CBX5: variants seen among roughly 807,000 people sequenced by gnomAD.
The protein encoded by CBX5 is chromobox protein homolog 5.
A neutral mutation model predicts 20.7 loss-of-function variants in CBX5; 7 were observed. The observed-to-expected ratio is 0.34, with a 90% CI of 0.19 to 0.63. CBX5 has a LOEUF of 0.63. Among genes scored for constraint, CBX5 ranks in the 30% least tolerant of loss-of-function variants. The pLI is 0.75. For missense variants in CBX5, 110 were observed against 224.1 expected (o/e 0.49, Z 3.25); for synonymous variants, 78 against 77.0 (o/e 1.01, Z -0.07).
Position 54,253,001 on chromosome 12 carries a change from A to G in CBX5, c.138-774T>C, listed in dbSNP as rs1258979715. ...TCTCAAAAAAAAAAAAAAAAAAAAA[A>G]GCAGATCAGTGAATGCCTGGGGCTG... On this transcript the variant is annotated intron_variant, in intron 2 of 4. Coordinates refer to ENST00000209875, the MANE Select transcript of CBX5 (RefSeq NM_012117.3). Among the ~76,000 whole-genome samples, 4 of 151,232 alleles carry G rather than the reference A, an allele frequency of 2.6e-5. No individual in the cohort carries two copies. The East Asian group carries it at 7.7e-4, about 29-fold the overall frequency.
In CBX5 at chr12:54,264,847, G is replaced by GA. The variant is rs375937146; in HGVS notation, c.-42-7156dup. On this transcript the variant is annotated intron_variant, in intron 1 of 4. Transcript: ENST00000209875. ...GACAAGAGTGAAACTCCATCTCAAA[G>GA]AAAAAAAAAAAGAAAAAGAAAGCCA... Among the ~76,000 whole-genome samples, 350 of 138,806 alleles carry GA rather than the reference G, an allele frequency of 2.5e-3. 4 individuals are homozygous for GA. Among genetic ancestry groups the GA allele is most frequent in the Admixed American group, 0.016 (222 of 13,934 alleles). The allele number at this position is 138,806 out of a possible 152,430, so 91.1% of individuals were successfully genotyped here. A position where few individuals can be genotyped will look rare whatever the true frequency, so the allele number is the denominator to read the frequency against.
At chr12:54,254,087 T>G (rs1340821289) in intron 2 of CBX5, among the ~76,000 whole-genome samples, 1 of 151,958 alleles carries the variant, frequency 6.6e-6, no homozygotes, top group East Asian at 1.9e-4. Context: ...TGTTATGGTG[T>G]TTAAATAATA....
At chr12:54,277,393 C>T (rs1401235177) in intron 1 of CBX5, among the ~76,000 whole-genome samples, 1 of 152,064 alleles carries the variant, frequency 6.6e-6, no homozygotes, top group African/African-American at 2.4e-5. Flanking sequence ...TTAGTAGAGA[C>T]GGGGTTTCAC....
chr12:54,253,423 A>G (rs140108077), intron 2 of CBX5, among the ~76,000 whole-genome samples: 1 of 152,056 alleles, frequency 6.6e-6, no homozygotes, highest in African/African-American at 2.4e-5. Flanking sequence ...TCAAAAAAAA[A>G]CAATAATAAT....
intron 1 of CBX5, chr12:54,273,795 G>A (rs1944033380): frequency 6.6e-6 from 1 of 152,144 alleles, no homozygotes; most frequent in African/African-American, 2.4e-5. Context: ...CCAAAATTTT[G>A]AGAAGAATAA....
Position 54,252,147 on chromosome 12 carries a change from A to G in CBX5, c.218T>C (p.Met73Thr). ...ISEFMKKYKKMKEGENNKPRE... is the reference protein window; with the variant it reads ...ISEFMKKYKKTKEGENNKPRE... ...GGGTTTATTATTTTCACCCTCCTTC[A>G]TCTTCTTATACTTTTTCATAAATTC... Residue 73 changes from methionine (M) to threonine (T), a missense_variant, in exon 3 of 5, where the codon ATG (methionine) becomes ACG (threonine). Physicochemically the swap from Met to Thr is moderately conservative, Grantham distance 81. Transcript: ENST00000209875. The G allele has an allele frequency of 6.2e-7, 1 of 1,611,460 alleles. No homozygotes were observed. Among genetic ancestry groups the G allele is most frequent in the Non-Finnish European group, 8.5e-7 (1 of 1,179,098 alleles).
chr12:54,253,606 T>C (rs543812235), intron 2 of CBX5, among the ~76,000 whole-genome samples: 2 of 151,548 alleles, frequency 1.3e-5, no homozygotes, highest in East Asian at 2.0e-4. Context: ...CTTGCACCTG[T>C]AGTCCTAGCT....
At chr12:54,260,160 CAAA>C (rs368171294) in intron 1 of CBX5, among the ~76,000 whole-genome samples, 2 of 74,986 alleles carry the variant, frequency 2.7e-5, no homozygotes, top group Non-Finnish European at 2.8e-5. Context: ...AAACAACAAC[CAAA>C]AAAAAAAAAA....
At chr12:54,271,774 G>C (rs1944012841) in intron 1 of CBX5, 2 of 152,046 alleles carry the variant, frequency 1.3e-5, no homozygotes, top group Admixed American at 1.3e-4. Flanking sequence ...GTCTATTATG[G>C]AAAAACAATA....
intron 1 of CBX5, among the ~76,000 whole-genome samples, chr12:54,264,121 T>A (rs1943938707): frequency 6.6e-6 from 1 of 152,228 alleles, no homozygotes; most frequent in South Asian, 2.1e-4. Context: ...CCCTGGTATC[T>A]GTCTGCTTTG....
At chr12:54,256,567 T>G (rs1943864709) in intron 2 of CBX5, among the ~76,000 whole-genome samples, 1 of 152,100 alleles carries the variant, frequency 6.6e-6, no homozygotes, top group Non-Finnish European at 1.5e-5. Flanking sequence ...CCATCCAATA[T>G]GGTAACCACT....
Position 54,257,654 on chromosome 12 carries a change from G to C in CBX5, c.-4C>G. 1 of 1,614,008 alleles carries C rather than the reference G, an allele frequency of 6.2e-7. No individual in the cohort carries two copies. The highest frequency in any genetic ancestry group is 8.5e-7 in the Non-Finnish European group (1 of 1,179,980). Reference sequence around the variant, plus strand: ...TCCGCTTGGTTTTCTTTCCCATGTCGCACACCGTTCCACCTGAAAGACTAA... The same window carrying C: ...TCCGCTTGGTTTTCTTTCCCATGTCCCACACCGTTCCACCTGAAAGACTAA... On this transcript the variant is annotated 5_prime_UTR_variant, in exon 2 of 5. Coordinates refer to ENST00000209875, the MANE Select transcript of CBX5 (RefSeq NM_012117.3).
At chr12:54,267,508 T>C (rs1943967006) in intron 1 of CBX5, among the ~76,000 whole-genome samples, 1 of 151,814 alleles carries the variant, frequency 6.6e-6, no homozygotes, top group South Asian at 2.1e-4. Flanking sequence ...AGTCAGGCAA[T>C]TTTTCTCTTT....
chr12:54,242,177 T>C (rs961713642), intron 4 of CBX5, among the ~76,000 whole-genome samples: 1 of 152,182 alleles, frequency 6.6e-6, no homozygotes, highest in Admixed American at 6.6e-5. Context: ...ATAATATTAA[T>C]CTGCTTCCAA....
At chr12:54,277,631 G>A (rs571425300) in intron 1 of CBX5, among the ~76,000 whole-genome samples, 1 of 152,172 alleles carries the variant, frequency 6.6e-6, no homozygotes, top group South Asian at 2.1e-4. Context: ...AGCCACCGGC[G>A]CCAGACCAAG....
intron 1 of CBX5, among the ~76,000 whole-genome samples, chr12:54,275,894 GC>G (rs1944059890): frequency 6.6e-6 from 1 of 150,744 alleles, no homozygotes; most frequent in African/African-American, 2.4e-5. Flanking sequence ...GGAGGCTGGA[GC>G]AGGAGAATTG....
In CBX5 at chr12:54,240,393, TTATTTA is replaced by T. The variant is rs1943664376; in HGVS notation, c.*1356_*1361del. 1 of 152,204 alleles carries T rather than the reference TTATTTA, an allele frequency of 6.6e-6. No individual in the cohort carries two copies. The highest frequency in any genetic ancestry group is 6.5e-5 in the Admixed American group (1 of 15,278). 9.4% of individuals were successfully genotyped at this position (152,204 alleles called of 1,614,324 possible). A position where few individuals can be genotyped will look rare whatever the true frequency, so the allele number is the denominator to read the frequency against. On this transcript the variant is annotated 3_prime_UTR_variant, in exon 5 of 5. Transcript: ENST00000209875. The stretch of plus-strand genomic sequence containing the variant: ...GTCTTTCAGGAACATGCCTTTATTT[TTATTTA>T]TATTTTTTAGAGACAGGGGGTCTCA...
intron 1 of CBX5, among the ~76,000 whole-genome samples, chr12:54,269,454 T>A (rs1943988711): frequency 6.6e-6 from 1 of 151,708 alleles, no homozygotes; most frequent in African/African-American, 2.4e-5. Context: ...GGTGGTGCAA[T>A]CTCAGCTCAC....
Position 54,235,668 on chromosome 12 carries a change from GT to G in CBX5, c.*6086del, listed in dbSNP as rs1176485871. ...ATTGAATAAAACTGCACTGCTCAGAGTAGATGCTCAGGTATTAACAGATGTG... is the reference window on the plus strand; with the variant it reads ...ATTGAATAAAACTGCACTGCTCAGAGAGATGCTCAGGTATTAACAGATGTG... On this transcript the variant is annotated 3_prime_UTR_variant, in exon 5 of 5. Coordinates refer to ENST00000209875, the MANE Select transcript of CBX5 (RefSeq NM_012117.3). The G allele has an allele frequency of 7.2e-5, 11 of 152,228 alleles. No homozygotes were observed. Among genetic ancestry groups the G allele is most frequent in the African/African-American group, 2.7e-4 (11 of 41,458 alleles). 9.4% of individuals were successfully genotyped at this position (152,228 alleles called of 1,614,324 possible).
Sources: gnomAD v4.1 joint callset for allele counts (sites outside exome capture counted in the v4.1 genomes callset) on GRCh38, gnomAD v4.1.1 for gene constraint, MANE v1.5 for transcripts, NCBI Gene and HGNC (gene_info 2026-07-23, HGNC 2026-07-21) for gene names.